The following TMTC3 variants were observed in gnomAD, a reference collection of about 807,000 sequenced individuals.
TMTC3 encodes transmembrane O-mannosyltransferase targeting cadherins 3.
TMTC3 carries 52 observed loss-of-function variants against 92.2 expected under a neutral mutation model. That is an observed-to-expected ratio of 0.56 (90% CI 0.45 to 0.71). The LOEUF is 0.71. Ranked by LOEUF, TMTC3 falls within the 30% of genes least tolerant of loss-of-function variation. The probability of loss-of-function intolerance (pLI) is 0.00; values close to 1 mark genes in which losing one functional copy is unlikely to be tolerated. For synonymous variants in TMTC3, 339 were observed against 363.3 expected (o/e 0.93, Z 0.76); for missense variants, 896 against 1,057.1 (o/e 0.85, Z 2.11).
chr12:88,164,962 A>G (rs569407141), intron 6 of TMTC3, among the ~76,000 whole-genome samples: 11 of 152,246 alleles, frequency 7.2e-5, no homozygotes, highest in African/African-American at 2.6e-4. Context: ...TATTGGAAAT[A>G]GAGAAGATTG....
chr12:88,199,013 G>A lies in TMTC3; in HGVS notation c.*3364G>A, dbSNP rs989257018. 2.0e-5 allele frequency: 3 copies of A among 151,120 alleles called. No homozygotes were observed. The highest frequency in any genetic ancestry group is 4.9e-5 in the African/African-American group (2 of 41,190). The allele number at this position is 151,120 out of a possible 1,614,324, so 9.4% of individuals were successfully genotyped here. A position where few individuals can be genotyped will look rare whatever the true frequency, so the allele number is the denominator to read the frequency against. On this transcript the variant is annotated 3_prime_UTR_variant, in exon 14 of 14. Coordinates refer to ENST00000266712, the MANE Select transcript of TMTC3 (RefSeq NM_181783.4). Reference sequence around the variant, plus strand: ...ATTTCTAAGTATTCATTATTAAATTGGTACTTCTTAAAACCATAACCTGGC... The same window carrying A: ...ATTTCTAAGTATTCATTATTAAATTAGTACTTCTTAAAACCATAACCTGGC...
chr12:88,199,758 T>G lies in TMTC3; in HGVS notation c.*4109T>G, dbSNP rs2041560869. ...AGACTGGATCCAGGCAAATTCATGT[T>G]CTTTCTTTGTAACTCACTTTCTTCG... is the stretch of plus-strand genomic sequence containing the variant. On this transcript the variant is annotated 3_prime_UTR_variant, in exon 14 of 14. Coordinates refer to ENST00000266712, the MANE Select transcript of TMTC3 (RefSeq NM_181783.4). 6.6e-6 allele frequency: 1 copy of G among 152,254 alleles called. No individual in the cohort carries two copies. Among genetic ancestry groups the G allele is most frequent in the Admixed American group, 6.5e-5 (1 of 15,282 alleles). 9.4% of individuals were successfully genotyped at this position (152,254 alleles called of 1,614,324 possible).
Position 88,198,065 on chromosome 12 carries a change from TA to T in TMTC3, c.*2418del. The stretch of plus-strand genomic sequence containing the variant: ...AATTCCACTAAAGAACATATTCTTC[TA>T]ATAACTAGCATTTATTACATGAAAT... On this transcript the variant is annotated 3_prime_UTR_variant, in exon 14 of 14. Coordinates refer to ENST00000266712, the MANE Select transcript of TMTC3 (RefSeq NM_181783.4). 1 of 346,808 alleles carries T rather than the reference TA, an allele frequency of 2.9e-6. No individual in the cohort carries two copies. The highest frequency in any genetic ancestry group is 5.2e-6 in the Non-Finnish European group (1 of 193,786). 21.5% of individuals were successfully genotyped at this position (346,808 alleles called of 1,614,324 possible).
At chr12:88,167,744 T>G (rs1022159089) in intron 7 of TMTC3, among the ~76,000 whole-genome samples, 2 of 152,212 alleles carry the variant, frequency 1.3e-5, no homozygotes, top group Non-Finnish European at 2.9e-5. Flanking sequence ...CATGTTGAGT[T>G]TGCATTACTG....
chr12:88,154,695 T>C (rs1412189634), intron 4 of TMTC3, among the ~76,000 whole-genome samples: 1 of 152,190 alleles, frequency 6.6e-6, no homozygotes, highest in Non-Finnish European at 1.5e-5. Context: ...TATCTATTAA[T>C]GATATAGATT....
chr12:88,176,608 A>G (rs774212593), intron 10 of TMTC3, among the ~76,000 whole-genome samples: 9 of 152,032 alleles, frequency 5.9e-5, no homozygotes, highest in Non-Finnish European at 1.0e-4. Context: ...CTGTCTTTAC[A>G]AAATAAAAAT....
chr12:88,190,669 C>T (rs931987549), intron 12 of TMTC3, 47 bp downstream of exon 12: 1 of 1,562,632 alleles, frequency 6.4e-7, no homozygotes, highest in Non-Finnish European at 8.7e-7. Context: ...ATTGAAACTG[C>T]ATCTCCATGT....
At chr12:88,165,755 A>G (rs796183909) in intron 6 of TMTC3, among the ~76,000 whole-genome samples, 5 of 152,238 alleles carry the variant, frequency 3.3e-5, no homozygotes, top group African/African-American at 9.6e-5. Context: ...CACAGTTACT[A>G]CTTTGTACTA....
Position 88,153,406 on chromosome 12 carries a change from T to A in TMTC3, c.305T>A (p.Val102Glu), listed in dbSNP as rs753435084. ...CTCCTGAATATGATTTTTCATGCTGTGGTTAGTGTGATATTTCTCAAAGTA... is the reference window on the plus strand; with the variant it reads ...CTCCTGAATATGATTTTTCATGCTGAGGTTAGTGTGATATTTCTCAAAGTA... ...YHLLNMIFHA[V>E]VSVIFLKVCK... is the part of the protein sequence containing the mutation. The change falls in exon 3 of 14, where the codon GTG becomes GAG. Residue 102 changes from valine (V) to glutamate (E), a missense_variant. Physicochemically the swap from Val to Glu is moderately radical, Grantham distance 121 (BLOSUM62 -2). Transcript: ENST00000266712. 6.2e-7 allele frequency: 1 copy of A among 1,613,438 alleles called. No homozygotes were observed. Among genetic ancestry groups the A allele is most frequent in the East Asian group, 2.2e-5 (1 of 44,818 alleles).
At chr12:88,159,813 C>G (rs17015521) in intron 4 of TMTC3, among the ~76,000 whole-genome samples, 3,751 of 152,126 alleles carry the variant, frequency 0.025, 140 homozygotes, top group African/African-American at 0.083. Context: ...TTAATTATGA[C>G]ACACAAACCT....
At chr12:88,192,972 G>T in intron 13 of TMTC3, 142 bp downstream of exon 13, 1 of 607,104 alleles carries the variant, frequency 1.6e-6, no homozygotes, top group South Asian at 3.3e-5. Context: ...TTTATAGAAA[G>T]AATATTTAAA....
Position 88,194,954 on chromosome 12 carries a change from G to A in TMTC3, c.2050G>A (p.Asp684Asn). ...LGMLAMDDKK[D>N]NEAEIWMKKA... ...AATGCTTGCCATGGATGACAAAAAG[G>A]ACAATGAAGCAGAGATTTGGATGAA... Residue 684 changes from aspartate to asparagine, a missense_variant, in exon 14 of 14, where the codon GAC becomes AAC. Physicochemically the swap from Asp to Asn is conservative, Grantham distance 23. Transcript: ENST00000266712. 1 of 1,613,766 alleles carries A rather than the reference G, an allele frequency of 6.2e-7. No homozygotes were observed. The highest frequency in any genetic ancestry group is 8.5e-7 in the Non-Finnish European group (1 of 1,179,910).
At chr12:88,190,248 CT>C (rs1414736800) in intron 11 of TMTC3, among the ~76,000 whole-genome samples, 1 of 152,036 alleles carries the variant, frequency 6.6e-6, no homozygotes, top group Non-Finnish European at 1.5e-5. Flanking sequence ...TTGTATCTGT[CT>C]TTTTCTGAAG....
chr12:88,161,989 G>A (rs529195052), intron 6 of TMTC3, among the ~76,000 whole-genome samples: 1 of 152,038 alleles, frequency 6.6e-6, no homozygotes, highest in East Asian at 1.9e-4. Context: ...ACCATTTCCA[G>A]TGTTCTTTAT....
chr12:88,160,526 G>T (rs2041063846), intron 5 of TMTC3, among the ~76,000 whole-genome samples, 153 bp from the exon 6 acceptor site: 1 of 151,964 alleles, frequency 6.6e-6, no homozygotes. Flanking sequence ...AGACTGTTGA[G>T]CTCAGTTTTA....
chr12:88,173,200 AAC>A lies in TMTC3; in HGVS notation c.1199+457_1199+458del, dbSNP rs999693239. 3.9e-6 allele frequency: 3 copies of A among 768,604 alleles called. No homozygotes were observed. The Admixed American group carries it at 1.1e-4, about 28-fold the overall frequency. The allele number at this position is 768,604 out of a possible 1,614,324, so 47.6% of individuals were successfully genotyped here. A position where few individuals can be genotyped will look rare whatever the true frequency, so the allele number is the denominator to read the frequency against. ...CTTTGTATCCTAGTTGCCTCAAACT[AAC>A]AGTTAAGGAACAGCATAGTCACACT... On this transcript the variant is annotated intron_variant, in intron 8 of 13. Transcript: ENST00000266712.
intron 4 of TMTC3, among the ~76,000 whole-genome samples, chr12:88,159,096 G>A (rs1364554862): frequency 2.0e-5 from 3 of 147,872 alleles, no homozygotes; most frequent in Non-Finnish European, 4.5e-5. Context: ...ACCAAACTGA[G>A]ATCACACAGT....
chr12:88,174,601 A>G lies in TMTC3; in HGVS notation c.1200-6A>G. On this transcript the variant is annotated splice_polypyrimidine_tract_variant and splice_region_variant and intron_variant, in intron 8 of 13. Coordinates refer to ENST00000266712, the MANE Select transcript of TMTC3 (RefSeq NM_181783.4). Reference sequence around the variant, plus strand: ...TTTTTTGTTTTGCTTTTTTTCTCTTAAACAGTGTATTTAAAAAGCTATCCT... The same window carrying G: ...TTTTTTGTTTTGCTTTTTTTCTCTTGAACAGTGTATTTAAAAAGCTATCCT... 1.2e-6 allele frequency: 2 copies of G among 1,602,644 alleles called. No homozygotes were observed. Among genetic ancestry groups the G allele is most frequent in the South Asian group, 1.1e-5 (1 of 88,778 alleles).
At chr12:88,143,495 A>G (rs902408122) in intron 1 of TMTC3, among the ~76,000 whole-genome samples, 2 of 152,204 alleles carry the variant, frequency 1.3e-5, no homozygotes, top group Non-Finnish European at 2.9e-5. Context: ...AAGCTAAGTA[A>G]CTTAAATAGT....
Sources: allele counts gnomAD v4.1 joint callset (sites outside exome capture counted in the v4.1 genomes callset), GRCh38; gene constraint gnomAD v4.1.1; transcripts MANE v1.5; gene names NCBI Gene and HGNC (gene_info 2026-07-23, HGNC 2026-07-21).